Variants in SLC25A18 observed in about 807,000 individuals in gnomAD.
SLC25A18 encodes mitochondrial glutamate carrier 2.
SLC25A18 carries 24 observed loss-of-function variants against 31.1 expected under a neutral mutation model. That is an observed-to-expected ratio of 0.77 (90% CI 0.56 to 1.08). SLC25A18 has a LOEUF of 1.08. Among genes scored for constraint, SLC25A18 ranks in the 50% least tolerant of loss-of-function variants. The probability of loss-of-function intolerance (pLI) is 0.00; values close to 1 mark genes in which losing one functional copy is unlikely to be tolerated. For synonymous variants in SLC25A18, 173 were observed against 161.9 expected (o/e 1.07, Z -0.52); for missense variants, 371 against 418.5 (o/e 0.89, Z 0.99).
chr22:17,589,327 C>T (rs968706816), intron 9 of SLC25A18: 5 of 339,268 alleles, frequency 1.5e-5, no homozygotes, highest in Non-Finnish European at 2.9e-5. Context: ...ACTACAGGAA[C>T]GCGCCACGCC....
In SLC25A18 at chr22:17,568,284, G is replaced by A. The variant is rs377667578; in HGVS notation, c.-263-1640G>A. ...CGGGAGGCTGAGGCAGGAGAATGGC[G>A]TGAACGTGGGAGGCTGAGCTTGCAG... On this transcript the variant is annotated intron_variant, in intron 1 of 10. Transcript: ENST00000327451. Among the ~76,000 whole-genome samples the A allele has an allele frequency of 3.3e-5, 5 of 151,052 alleles. No homozygotes were observed. In the East Asian group the frequency reaches 7.9e-4, roughly 24 times the overall value.
At chr22:17,565,790 C>T (rs1229436682) in intron 1 of SLC25A18, among the ~76,000 whole-genome samples, 1 of 152,102 alleles carries the variant, frequency 6.6e-6, no homozygotes, top group Non-Finnish European at 1.5e-5. Flanking sequence ...TCACTTGAAC[C>T]CAGGAGGTAG....
rs910229633 is a variant in SLC25A18, at chr22:17,589,630, C to G, written c.771C>G (p.Gly257=). 1.9e-6 allele frequency: 3 copies of G among 1,614,044 alleles called. No individual in the cohort carries two copies. The highest frequency in any genetic ancestry group is 2.5e-6 in the Non-Finnish European group (3 of 1,179,984). Residue 257 remains glycine, a synonymous_variant, in exon 10 of 11, where the codon GGC becomes GGG. Coordinates refer to ENST00000327451, the MANE Select transcript of SLC25A18 (RefSeq NM_031481.3). ...TRIQTLKKGL[G]EDMYSGITDC... The stretch of plus-strand genomic sequence containing the variant: ...TCCAAACCCTCAAGAAAGGCCTGGG[C>G]GAGGACATGTACAGTGGGATCACCG...
chr22:17,585,641 ATTATTATTAT>A (rs1569191884), intron 7 of SLC25A18, among the ~76,000 whole-genome samples: 2,660 of 137,328 alleles, frequency 0.019, 28 homozygotes, highest in Non-Finnish European at 0.027. Context: ...TTTTATTATT[ATTATTATTAT>A]TTTTTTTTTT....
rs12169005 is a variant in SLC25A18 at position 17,572,449 on chromosome 22, C to T, written c.-201+2463C>T. On this transcript the variant is annotated intron_variant, in intron 2 of 10. Transcript: ENST00000327451. ...GCAGTGAGCCGAGATCGTGCCATTG[C>T]ACTCCAGCCTGGGCAACAAGAGCAA... Among the ~76,000 whole-genome samples, 702 of 146,850 alleles carry T rather than the reference C, an allele frequency of 4.8e-3. 4 individuals are homozygous for T. The highest frequency in any genetic ancestry group is 0.016 in the African/African-American group (654 of 39,668).
chr22:17,570,281 A>T (rs964198763), intron 2 of SLC25A18: 2 of 152,450 alleles, frequency 1.3e-5, no homozygotes, highest in African/African-American at 4.8e-5. Flanking sequence ...TGCTCTGCTA[A>T]TAAGAGGAAG....
intron 2 of SLC25A18, among the ~76,000 whole-genome samples, chr22:17,577,545 C>T (rs1051972424): frequency 6.6e-6 from 1 of 150,798 alleles, no homozygotes; most frequent in Admixed American, 6.7e-5. Context: ...TATTGGACTC[C>T]CTGGCTTCAG....
chr22:17,568,871 AC>A (rs936725931), intron 1 of SLC25A18, among the ~76,000 whole-genome samples: 6 of 150,724 alleles, frequency 4.0e-5, no homozygotes, highest in African/African-American at 1.5e-4. Context: ...TGTATAAAGT[AC>A]ATTGATTTTT....
At position 17,590,081 on chromosome 22, in the gene SLC25A18, TTC is replaced by T; in HGVS notation, c.807-12_807-11del. ...CCCCTGCCCATCAGCTCACTGGCTCTTCTTTCTCCCCAGGAAACTCTGGATTC... is the reference window on the plus strand; with the variant it reads ...CCCCTGCCCATCAGCTCACTGGCTCTTTTCTCCCCAGGAAACTCTGGATTC... On this transcript the variant is annotated splice_polypyrimidine_tract_variant and intron_variant, in intron 10 of 10. Transcript: ENST00000327451. 1 of 1,613,684 alleles carries T rather than the reference TTC, an allele frequency of 6.2e-7. No individual in the cohort carries two copies. Among genetic ancestry groups the T allele is most frequent in the Non-Finnish European group, 8.5e-7 (1 of 1,179,980 alleles).
At chr22:17,580,889 T>TG (rs2057353562) in intron 3 of SLC25A18, 148 bp from the exon 4 acceptor site, 1 of 1,424,440 alleles carries the variant, frequency 7.0e-7, no homozygotes, top group African/African-American at 1.4e-5. Context: ...GGACCAGACC[T>TG]GGGCCAGGGA....
At position 17,563,714 on chromosome 22, in the gene SLC25A18, G is replaced by A; in HGVS notation, c.-264+1G>A. On this transcript the variant is annotated splice_donor_variant, in intron 1 of 10. Transcript: ENST00000327451. LOFTEE classifies it low-confidence loss of function (5UTR_SPLICE). ...CGACTCGCTTGCAGGCAAGTTGTCAGTAAGTATTTATTAAATACCCACCGT... is the reference window on the plus strand; with the variant it reads ...CGACTCGCTTGCAGGCAAGTTGTCAATAAGTATTTATTAAATACCCACCGT... The A allele has an allele frequency of 1.0e-6, 1 of 985,352 alleles. No individual in the cohort carries two copies. The highest frequency in any genetic ancestry group is 1.2e-6 in the Non-Finnish European group (1 of 829,912). 61.0% of individuals were successfully genotyped at this position (985,352 alleles called of 1,614,324 possible). A position where few individuals can be genotyped will look rare whatever the true frequency, so the allele number is the denominator to read the frequency against.
intron 9 of SLC25A18, 99 bp downstream of exon 9, chr22:17,588,178 C>G (rs1439360819): frequency 2.1e-5 from 30 of 1,429,356 alleles, no homozygotes; most frequent in Admixed American, 4.8e-5. Context: ...GGGTTGCAAT[C>G]TGGCTGCTGG....
At chr22:17,581,497 CG>C (rs960812527) in intron 5 of SLC25A18, 84 bp downstream of exon 5, 7 of 1,494,598 alleles carry the variant, frequency 4.7e-6, no homozygotes, top group Non-Finnish European at 6.5e-6. Context: ...TCCGTTGCTG[CG>C]GGGATGGGGC....
intron 2 of SLC25A18, among the ~76,000 whole-genome samples, chr22:17,573,125 T>A (rs1324797633): frequency 6.6e-6 from 1 of 152,144 alleles, no homozygotes; most frequent in Non-Finnish European, 1.5e-5. Flanking sequence ...TTTCTGTACC[T>A]TCTGGATTTT....
chr22:17,569,535 C>T lies in SLC25A18; in HGVS notation c.-263-389C>T, dbSNP rs200527950. 30 of 859,888 alleles carry T rather than the reference C, an allele frequency of 3.5e-5. No homozygotes were observed. The East Asian group carries it at 3.6e-3, about 104-fold the overall frequency. The allele number at this position is 859,888 out of a possible 1,614,324, so 53.3% of individuals were successfully genotyped here. ...GAGAAGCAGAGATTTGCTTCTGGCACCAAATGTCTTGCAAAAGTGTTTGCG... is the reference window on the plus strand; with the variant it reads ...GAGAAGCAGAGATTTGCTTCTGGCATCAAATGTCTTGCAAAAGTGTTTGCG... On this transcript the variant is annotated intron_variant, in intron 1 of 10. Transcript: ENST00000327451.
At chr22:17,563,911 T>C (rs2056867769) in intron 1 of SLC25A18, among the ~76,000 whole-genome samples, 198 bp downstream of exon 1, 1 of 151,708 alleles carries the variant, frequency 6.6e-6, no homozygotes, top group African/African-American at 2.4e-5. Flanking sequence ...GAAGGAAAAA[T>C]ATTTTTGGTT....
chr22:17,577,729 C>T (rs587668279), intron 2 of SLC25A18, among the ~76,000 whole-genome samples: 1 of 149,256 alleles, frequency 6.7e-6, no homozygotes, highest in African/African-American at 2.5e-5. Flanking sequence ...TACATGCGCA[C>T]ACCACCATTC....
chr22:17,582,402 T>G (rs1169121048), intron 5 of SLC25A18, 161 bp from the exon 6 acceptor site: 22 of 499,912 alleles, frequency 4.4e-5, no homozygotes, highest in East Asian at 6.5e-5. Flanking sequence ...TGGTAGGGAG[T>G]GGGAATGGAA....
chr22:17,575,528 AG>A (rs1262543593), intron 2 of SLC25A18, among the ~76,000 whole-genome samples: 1 of 152,172 alleles, frequency 6.6e-6, no homozygotes, highest in Non-Finnish European at 1.5e-5. Flanking sequence ...TATCTGTTAC[AG>A]GTAAAATGCC....
Sources: gnomAD v4.1 joint callset for allele counts (sites outside exome capture counted in the v4.1 genomes callset) on GRCh38, gnomAD v4.1.1 for gene constraint, MANE v1.5 for transcripts, NCBI Gene and HGNC (gene_info 2026-07-23, HGNC 2026-07-21) for gene names.